CXXC1: variants seen among roughly 807,000 people sequenced by gnomAD.
CXXC1 encodes the protein CXXC-type zinc finger protein 1.
A neutral mutation model predicts 83.6 loss-of-function variants in CXXC1; 21 were observed. The ratio of observed to expected loss-of-function variants is 0.25; its 90% confidence interval spans 0.18 to 0.36. The LOEUF (loss-of-function observed/expected upper bound fraction) is 0.36, where lower values mean the gene tolerates loss of function less well. Ranked by LOEUF, CXXC1 falls within the 10% of genes least tolerant of loss-of-function variation. The probability of loss-of-function intolerance (pLI) is 1.00; values close to 1 mark genes in which losing one functional copy is unlikely to be tolerated. For missense variants in CXXC1, 688 were observed against 919.5 expected (o/e 0.75, Z 3.26); for synonymous variants, 371 against 337.5 (o/e 1.10, Z -1.09).
rs137935967 is a variant in CXXC1 at position 50,286,212 on chromosome 18, C to T, written c.269G>A (p.Arg90Gln). 4 of 1,612,976 alleles carry T rather than the reference C, an allele frequency of 2.5e-6. No homozygotes were observed. Among genetic ancestry groups the T allele is most frequent in the African/African-American group, 1.3e-5 (1 of 74,910 alleles). ...GTCCCGCTCATTGCCATCCCGCTCC[C>T]GTGACTTCTTGTGCCGATAGCGAAT... ...LEIRYRHKKS[R>Q]ERDGNERDSS... Residue 90 changes from arginine (R) to glutamine (Q), a missense_variant, in exon 4 of 15, where the codon CGG (arginine) becomes CAG (glutamine). Coordinates refer to ENST00000285106, the MANE Select transcript of CXXC1 (RefSeq NM_014593.4).
At chr18:50,284,234 G>A in intron 9 of CXXC1, 133 bp from the exon 10 acceptor site, 3 of 1,434,674 alleles carry the variant, frequency 2.1e-6, no homozygotes, top group Non-Finnish European at 2.9e-6. Context: ...ACACGGGCAG[G>A]TGGGTGGGTA....
intron 13 of CXXC1, 108 bp from the exon 14 acceptor site, chr18:50,283,114 G>A (rs1371222238): frequency 2.9e-6 from 4 of 1,379,086 alleles, no homozygotes; most frequent in Non-Finnish European, 3.0e-6. Context: ...GAACGGTGAG[G>A]AGGCATGGAA....
Position 50,283,791 on chromosome 18 carries a change from T to C in CXXC1, c.1438A>G (p.Thr480Ala). 1 of 1,614,216 alleles carries C rather than the reference T, an allele frequency of 6.2e-7. No individual in the cohort carries two copies. Among genetic ancestry groups the C allele is most frequent in the Non-Finnish European group, 8.5e-7 (1 of 1,180,036 alleles). Residue 480 changes from threonine to alanine, a missense_variant, in exon 11 of 15, where the codon ACA becomes GCA. This residue lies in a region of CXXC1 where 19 missense variants were observed against 64.1 expected (regional missense o/e 0.30). Coordinates refer to ENST00000285106, the MANE Select transcript of CXXC1 (RefSeq NM_014593.4). ...EESNEGDSDD[T>A]DLQIFCVSCG... ...GAAACACAGAAGATCTGCAGGTCTG[T>C]GTCATCACTGTCACCCTCGTTGCTC...
intron 1 of CXXC1, 79 bp downstream of exon 1, chr18:50,287,508 C>G: frequency 6.4e-7 from 1 of 1,552,166 alleles, no homozygotes. Context: ...ACCACAGACC[C>G]CTGAGTCGGC....
chr18:50,284,902 G>A, intron 7 of CXXC1, 63 bp from the exon 8 acceptor site: 1 of 1,612,922 alleles, frequency 6.2e-7, no homozygotes, highest in Non-Finnish European at 8.5e-7. Context: ...ACCTACTCAT[G>A]TCCCATATCA....
Position 50,282,827 on chromosome 18 carries a change from C to G in CXXC1, c.1824+27G>C. 6.2e-7 allele frequency: 1 copy of G among 1,613,024 alleles called. No individual in the cohort carries two copies. The highest frequency in any genetic ancestry group is 8.5e-7 in the Non-Finnish European group (1 of 1,179,074). ...GTCCGACATGGAAACCTACCACATGCAGCACCAAAACCGCACAGAAACCTA... is the reference window on the plus strand; with the variant it reads ...GTCCGACATGGAAACCTACCACATGGAGCACCAAAACCGCACAGAAACCTA... On this transcript the variant is annotated intron_variant, in intron 14 of 14. Transcript: ENST00000285106. This position sits in a 1 kb window ranked among gnomAD's most constrained non-coding sequence, Gnocchi z 5.8.
chr18:50,287,163 A>G (rs1042156752), intron 1 of CXXC1: 21 of 516,942 alleles, frequency 4.1e-5, no homozygotes, highest in African/African-American at 3.6e-4. Flanking sequence ...CTCACTGCGG[A>G]CTTCCCATCG....
rs375226220 is a variant in CXXC1 at position 50,283,634 on chromosome 18, A to G, written c.1525-70T>C. On this transcript the variant is annotated intron_variant, in intron 11 of 14. Transcript: ENST00000285106. ...CATGCCCTCCCAAGACACCACCCAG[A>G]CAACAAATCTGTCCCCCACTGGCCC... The G allele has an allele frequency of 5.9e-4, 942 of 1,609,356 alleles. 4 individuals are homozygous for G. The highest frequency in any genetic ancestry group is 7.6e-4 in the Non-Finnish European group (899 of 1,176,206).
chr18:50,287,550 C>G (rs1462323644), intron 1 of CXXC1, 37 bp downstream of exon 1: 1 of 1,611,698 alleles, frequency 6.2e-7, no homozygotes, highest in East Asian at 2.2e-5. Context: ...ACCGACCGAC[C>G]TCCACCGCCG....
At chr18:50,287,065 C>T (rs2040726283) in intron 1 of CXXC1, 2 of 582,066 alleles carry the variant, frequency 3.4e-6, no homozygotes, top group African/African-American at 1.9e-5. Context: ...CTTCCCATCA[C>T]GCACCCACCG....
In CXXC1 at chr18:50,285,026, T is replaced by C. The variant is rs2040690565; in HGVS notation, c.888A>G (p.Ala296=). ...LDPDLYQDFC[A]GAFDDHGLPW... ...CCAGGCCATGGTCATCAAAGGCCCC[T>C]GCACAGAAGTCCTGATACAGGTCAG... The change falls in exon 7 of 15, where the codon GCA becomes GCG. Residue 296 remains alanine, a synonymous_variant. Transcript: ENST00000285106. The surrounding 1 kb of genome is among the most constrained non-coding windows in gnomAD (Gnocchi z 4.4). 2 of 1,614,124 alleles carry C rather than the reference T, an allele frequency of 1.2e-6. No homozygotes were observed. Among genetic ancestry groups the C allele is most frequent in the Non-Finnish European group, 8.5e-7 (1 of 1,180,052 alleles).
rs1392816737 is a variant in CXXC1, at chr18:50,285,956, C to A, written c.460-28G>T. On this transcript the variant is annotated intron_variant, in intron 4 of 14. Coordinates refer to ENST00000285106, the MANE Select transcript of CXXC1 (RefSeq NM_014593.4). This position sits in a 1 kb window ranked among gnomAD's most constrained non-coding sequence, Gnocchi z 4.4. ...GCAGGAGGGGGCCCAGAACAGAAATCATGGACCCAGGCAGGGCTGAAACGG... is the reference window on the plus strand; with the variant it reads ...GCAGGAGGGGGCCCAGAACAGAAATAATGGACCCAGGCAGGGCTGAAACGG... 1 of 1,613,924 alleles carries A rather than the reference C, an allele frequency of 6.2e-7. No homozygotes were observed. Among genetic ancestry groups the A allele is most frequent in the Admixed American group, 1.7e-5 (1 of 60,028 alleles).
chr18:50,285,293 T>A lies in CXXC1; in HGVS notation c.666+32A>T, dbSNP rs2040695960. The A allele has an allele frequency of 1.2e-6, 2 of 1,610,784 alleles. No individual in the cohort carries two copies. The highest frequency in any genetic ancestry group is 4.5e-5 in the East Asian group (2 of 44,806). On this transcript the variant is annotated intron_variant, in intron 6 of 14. Coordinates refer to ENST00000285106, the MANE Select transcript of CXXC1 (RefSeq NM_014593.4). The surrounding 1 kb of genome is among the most constrained non-coding windows in gnomAD (Gnocchi z 4.4). ...ACTGGCCCTGACCGCCCTGCCCGCA[T>A]GCCCCACCCCACCCTGGGGGGCTGG...
At chr18:50,284,890 C>T (rs375635754) in intron 7 of CXXC1, 51 bp from the exon 8 acceptor site, 14 of 1,613,232 alleles carry the variant, frequency 8.7e-6, no homozygotes, top group Non-Finnish European at 1.2e-5. Context: ...GACAACCCCA[C>T]CACCTACTCA....
Position 50,285,159 on chromosome 18 carries a change from C to T in CXXC1, c.755G>A (p.Gly252Glu). 6.2e-7 allele frequency: 1 copy of T among 1,614,228 alleles called. No individual in the cohort carries two copies. The highest frequency in any genetic ancestry group is 8.5e-7 in the Non-Finnish European group (1 of 1,180,030). The change falls in exon 7 of 15, where the codon GGG (glycine) becomes GAG (glutamate). Residue 252 changes from glycine (G) to glutamate (E), a missense_variant. By Grantham distance (98) the Gly-to-Glu change is moderately conservative. Transcript: ENST00000285106. This position sits in a 1 kb window ranked among gnomAD's most constrained non-coding sequence, Gnocchi z 4.4. ...QQQPQPSQKL[G>E]RIREDEGAVA... ...TGCCCCCTCATCTTCACGGATGCGC[C>T]CTAACTTCTGTGATGGCTGTGGCTG...
At chr18:50,287,142 A>C (rs1258956646) in intron 1 of CXXC1, 9 of 509,254 alleles carry the variant, frequency 1.8e-5, no homozygotes, top group Non-Finnish European at 3.2e-5. Context: ...CGCCTCACAG[A>C]CCCCGCGTAA....
At chr18:50,283,415 T>C (rs970920151) in intron 12 of CXXC1, 54 bp from the exon 13 acceptor site, 110 of 1,601,368 alleles carry the variant, frequency 6.9e-5, no homozygotes, top group Middle Eastern at 1.7e-4. Flanking sequence ...GGTCCATCTG[T>C]CCTGGCTGGT....
Position 50,282,599 on chromosome 18 carries a change from G to T in CXXC1, c.1965C>A (p.Asp655Glu). The T allele has an allele frequency of 6.2e-7, 1 of 1,608,990 alleles. No homozygotes were observed. The highest frequency in any genetic ancestry group is 8.5e-7 in the Non-Finnish European group (1 of 1,179,984). ...PLTTDLRSSADR is the reference protein window; with the variant it reads ...PLTTDLRSSAER ...GGGGTCCGGGCCAGGAGGCTCAGCG[G>T]TCGGCACTGGAGCGCAGGTCGGTAG... is the stretch of plus-strand genomic sequence containing the variant. The change falls in exon 15 of 15, where the codon GAC becomes GAA. Residue 655 changes from aspartate (D) to glutamate (E), a missense_variant. Physicochemically the swap from Asp to Glu is conservative, Grantham distance 45. Around this residue, in one of 9 missense-constraint regions of CXXC1, gnomAD observed 34 missense variants for 27.0 expected, o/e 1.26. Coordinates refer to ENST00000285106, the MANE Select transcript of CXXC1 (RefSeq NM_014593.4). This position sits in a 1 kb window ranked among gnomAD's most constrained non-coding sequence, Gnocchi z 5.8.
At chr18:50,283,235 A>C (rs2040616539) in intron 13 of CXXC1, 30 bp downstream of exon 13, 1 of 1,587,472 alleles carries the variant, frequency 6.3e-7, no homozygotes, top group African/African-American at 1.3e-5. Context: ...GAGGAGGGGC[A>C]AAATGGGAGG....
Sources: gnomAD v4.1 joint callset for allele counts on GRCh38, gnomAD v4.1.1 for gene constraint, gnomAD v4.1.1 regional missense constraint, Gnocchi (gnomAD v3.1) non-coding constraint, MANE v1.5 for transcripts, NCBI Gene and HGNC (gene_info 2026-07-23, HGNC 2026-07-21) for gene names.